Variants in CEP170 observed in about 807,000 individuals in gnomAD.
CEP170 encodes centrosomal protein of 170 kDa.
CEP170 carries 21 observed loss-of-function variants against 151.9 expected under a neutral mutation model. The ratio of observed to expected loss-of-function variants is 0.14; its 90% CI spans 0.10 to 0.20. CEP170 has a LOEUF of 0.20. Among genes scored for constraint, CEP170 ranks in the 10% least tolerant of loss-of-function variants. CEP170 has a pLI of 1.00. For synonymous variants in CEP170, 356 were observed against 648.8 expected (o/e 0.55, Z 6.86); for missense variants, 964 against 1,892.9 (o/e 0.51, Z 9.11).
At chr1:243,220,657 C>T (rs2062716728) in intron 3 of CEP170, among the ~76,000 whole-genome samples, 1 of 152,150 alleles carries the variant, frequency 6.6e-6, no homozygotes, top group South Asian at 2.1e-4. Flanking sequence ...TTGGGATGCA[C>T]TTATTTCTGT....
At chr1:243,128,413 T>C (rs1055758305) in intron 18 of CEP170, 113 bp from the exon 19 acceptor site, 18 of 745,264 alleles carry the variant, frequency 2.4e-5, no homozygotes, top group Non-Finnish European at 3.7e-5. Flanking sequence ...ATCTACATGG[T>C]ACTTACTACA....
chr1:243,126,801 T>A (rs2053746448), intron 19 of CEP170, 63 bp from the exon 20 acceptor site: 3 of 1,430,924 alleles, frequency 2.1e-6, no homozygotes, highest in Non-Finnish European at 2.8e-6. Context: ...ACACTGTTCA[T>A]GATTTGGATA....
At position 243,152,520 on chromosome 1, in the gene CEP170, C is replaced by CTTTTT. The variant is rs1558429307; in HGVS notation, c.3911+3700_3911+3701insAAAAA. Among the ~76,000 whole-genome samples the CTTTTT allele has an allele frequency of 1.5e-3, 93 of 63,520 alleles. 1 individual carries two copies. Among genetic ancestry groups the CTTTTT allele is most frequent in the Admixed American group, 8.7e-4 (4 of 4,588 alleles). The allele number at this position is 63,520 out of a possible 152,430, so 41.7% of individuals were successfully genotyped here. A position where few individuals can be genotyped will look rare whatever the true frequency, so the allele number is the denominator to read the frequency against. ...CCAGGCGTGAGCCACCGCGCCCAGC[C>CTTTTT]ATTTTTTTTTTTTTTTTTTTTTTTT... On this transcript the variant is annotated intron_variant, in intron 14 of 19. Coordinates refer to ENST00000366542, the MANE Select transcript of CEP170 (RefSeq NM_014812.3).
intron 1 of CEP170, among the ~76,000 whole-genome samples, chr1:243,238,582 A>C (rs976072766): frequency 6.6e-6 from 1 of 152,266 alleles, no homozygotes. Context: ...AAGTAACCCA[A>C]AACCTAATGG....
At chr1:243,204,589 C>G (rs1440705498) in intron 4 of CEP170, among the ~76,000 whole-genome samples, 1 of 152,078 alleles carries the variant, frequency 6.6e-6, no homozygotes, top group Non-Finnish European at 1.5e-5. Flanking sequence ...ATGTGGAAAC[C>G]ATACTATACT....
chr1:243,144,329 T>A (rs1319070317), intron 14 of CEP170, among the ~76,000 whole-genome samples: 1 of 152,232 alleles, frequency 6.6e-6, no homozygotes, highest in Non-Finnish European at 1.5e-5. Context: ...TGCGACCATT[T>A]TTTTGGCCAA....
chr1:243,141,895 G>A (rs1380777972), intron 15 of CEP170, among the ~76,000 whole-genome samples: 1 of 152,162 alleles, frequency 6.6e-6, no homozygotes, highest in Non-Finnish European at 1.5e-5. Context: ...GAAACTGTAG[G>A]ATTTTTCTCT....
chr1:243,156,771 C>T (rs2057589202), intron 13 of CEP170: 1 of 218,920 alleles, frequency 4.6e-6, no homozygotes, highest in African/African-American at 2.3e-5. Context: ...CGATGTTTAA[C>T]TGGAGTACTT....
Position 243,165,742 on chromosome 1 carries a change from A to G in CEP170, c.2218T>C (p.Leu740=). Residue 740 remains leucine, a synonymous_variant, in exon 13 of 20, where the codon TTG becomes CTG. Transcript: ENST00000366542. ...AGTTTTGCTAATGTTTGCTTTACCA[A>G]AGAAGTTTCCTTATCAGTTTCACTT... ...EKSETDKETS[L]VKQTLAKLQQ... is the part of the protein sequence containing the mutation. 6.2e-7 allele frequency: 1 copy of G among 1,614,066 alleles called. No homozygotes were observed. Among genetic ancestry groups the G allele is most frequent in the Non-Finnish European group, 8.5e-7 (1 of 1,179,896 alleles).
chr1:243,152,678 C>G (rs980758142), intron 14 of CEP170, among the ~76,000 whole-genome samples: 1 of 151,246 alleles, frequency 6.6e-6, no homozygotes, highest in African/African-American at 2.4e-5. Flanking sequence ...ACTACAGGCA[C>G]GTACCACCAT....
intron 17 of CEP170, among the ~76,000 whole-genome samples, chr1:243,129,955 A>T (rs2054197714): frequency 6.6e-6 from 1 of 152,030 alleles, no homozygotes; most frequent in Non-Finnish European, 1.5e-5. Context: ...TACTATTGTT[A>T]ATCTCTTACT....
At chr1:243,208,895 A>T (rs2061590821) in intron 4 of CEP170, among the ~76,000 whole-genome samples, 2 of 151,870 alleles carry the variant, frequency 1.3e-5, no homozygotes, top group African/African-American at 4.8e-5. Context: ...TATGCCTGGC[A>T]CATAGGAGAC....
At chr1:243,221,912 T>C (rs1303261937) in intron 2 of CEP170, 99 bp from the exon 3 acceptor site, 7 of 980,704 alleles carry the variant, frequency 7.1e-6, no homozygotes, top group African/African-American at 3.4e-5. Context: ...ACAGTAAATA[T>C]AGGGAAATAT....
At chr1:243,207,539 C>G (rs1298561197) in intron 4 of CEP170, among the ~76,000 whole-genome samples, 1 of 152,048 alleles carries the variant, frequency 6.6e-6, no homozygotes, top group Non-Finnish European at 1.5e-5. Flanking sequence ...CCTGGCCTAA[C>G]TAACATTTAT....
In CEP170 at chr1:243,202,885, C is replaced by T. The variant is rs151267998; in HGVS notation, c.275-2050G>A. The stretch of plus-strand genomic sequence containing the variant: ...GATTTCAGCCTGTTGTGAGGGTTTT[C>T]GGGTGCTTCAAGCTTACCTCCTGGG... On this transcript the variant is annotated intron_variant, in intron 4 of 19. Coordinates refer to ENST00000366542, the MANE Select transcript of CEP170 (RefSeq NM_014812.3). Among the ~76,000 whole-genome samples the T allele has an allele frequency of 7.7e-3, 1,166 of 152,234 alleles. 6 individuals carry two copies. The highest frequency in any genetic ancestry group is 0.017 in the Middle Eastern group (5 of 294).
At chr1:243,253,361 G>C (rs1194381072) in intron 1 of CEP170, 3 of 152,232 alleles carry the variant, frequency 2.0e-5, no homozygotes, top group African/African-American at 7.2e-5. Context: ...AAAAGGGCTA[G>C]GGGGACACAG....
chr1:243,194,586 C>G (rs2060518367), intron 7 of CEP170, among the ~76,000 whole-genome samples: 1 of 151,416 alleles, frequency 6.6e-6, no homozygotes, highest in Admixed American at 6.6e-5. Flanking sequence ...GATTCATTTC[C>G]CTAAAGATGA....
Position 243,191,681 on chromosome 1 carries a change from C to T in CEP170, c.632-187G>A, listed in dbSNP as rs1405118221. On this transcript the variant is annotated intron_variant, in intron 7 of 19. Transcript: ENST00000366542. ...AGAAAGAATCTTGATTATAAACATGCGATTTGATTACCAATAGGGGATGGA... is the reference window on the plus strand; with the variant it reads ...AGAAAGAATCTTGATTATAAACATGTGATTTGATTACCAATAGGGGATGGA... Among the ~76,000 whole-genome samples, 10 of 151,810 alleles carry T rather than the reference C, an allele frequency of 6.6e-5. No individual in the cohort carries two copies. The South Asian group carries it at 8.3e-4, about 13-fold the overall frequency.
At chr1:243,186,789 T>C (rs1339835581) in intron 8 of CEP170, among the ~76,000 whole-genome samples, 1 of 152,132 alleles carries the variant, frequency 6.6e-6, no homozygotes, top group African/African-American at 2.4e-5. Context: ...CAATAAAAAA[T>C]TTGACTCTAG....
Sources: allele counts gnomAD v4.1 joint callset (sites outside exome capture counted in the v4.1 genomes callset), GRCh38; gene constraint gnomAD v4.1.1; transcripts MANE v1.5; gene names NCBI Gene and HGNC (gene_info 2026-07-23, HGNC 2026-07-21).